PAPPA2: variants seen among roughly 807,000 people sequenced by gnomAD.
PAPPA2 encodes pappalysin 2.
Under a neutral mutation model 176.4 loss-of-function variants are expected in PAPPA2, and 86 were observed. The observed-to-expected ratio is 0.49, with a 90% confidence interval of 0.41 to 0.58. The LOEUF (loss-of-function observed/expected upper bound fraction) is 0.58. Among genes scored for constraint, PAPPA2 ranks in the 20% least tolerant of loss-of-function variants. The probability of loss-of-function intolerance (pLI) is 0.00; values close to 1 mark genes in which losing one functional copy is unlikely to be tolerated. For synonymous variants in PAPPA2, 809 were observed against 852.2 expected (o/e 0.95, Z 0.88); for missense variants, 2,073 against 2,256.9 (o/e 0.92, Z 1.65).
At chr1:176,649,333 A>G (rs987767672) in intron 3 of PAPPA2, among the ~76,000 whole-genome samples, 4 of 150,406 alleles carry the variant, frequency 2.7e-5, no homozygotes, top group Admixed American at 2.6e-4. Flanking sequence ...TCTTTTTCTT[A>G]GCTATTCTAG....
chr1:176,542,482 C>A (rs564744061), intron 1 of PAPPA2, among the ~76,000 whole-genome samples: 1 of 152,328 alleles, frequency 6.6e-6, no homozygotes, highest in South Asian at 2.1e-4. Flanking sequence ...TTGTTACAGG[C>A]TGTCAGACAG....
Position 176,796,698 on chromosome 1 carries a change from CTCTT to C in PAPPA2, c.5130+3039_5130+3042del, listed in dbSNP as rs1293278548. ...CTCTTTTTCTTTTTCTTTTCTTTCT[CTCTT>C]TCTTTCTTTTTCTTTCTTTCTTCTT... On this transcript the variant is annotated intron_variant, in intron 20 of 22. Transcript: ENST00000367662. Among the ~76,000 whole-genome samples the C allele has an allele frequency of 1.4e-3, 182 of 132,110 alleles. 2 individuals are homozygous for C. The highest frequency in any genetic ancestry group is 4.8e-3 in the African/African-American group (172 of 35,650). 86.7% of individuals were successfully genotyped at this position (132,110 alleles called of 152,430 possible).
intron 21 of PAPPA2, among the ~76,000 whole-genome samples, chr1:176,837,033 A>G (rs1212279389): frequency 1.3e-5 from 2 of 152,184 alleles, no homozygotes; most frequent in Admixed American, 6.5e-5. Context: ...AATGGGAAAC[A>G]TCGCCAGATT....
chr1:176,776,292 T>C (rs1664454539), intron 17 of PAPPA2, among the ~76,000 whole-genome samples: 1 of 152,186 alleles, frequency 6.6e-6, no homozygotes, highest in African/African-American at 2.4e-5. Context: ...TCTAAACGAT[T>C]CAAACCTTCC....
At position 176,809,058 on chromosome 1, in the gene PAPPA2, G is replaced by A. The variant is rs1438208846; in HGVS notation, c.5202+8926G>A. ...AGGTTATAAAGGGAGGTGTTGAAAA[G>A]GCATATTAGTCTTTGGAGAGTTTTA... On this transcript the variant is annotated intron_variant, in intron 21 of 22. Transcript: ENST00000367662. Among the ~76,000 whole-genome samples the A allele has an allele frequency of 4.6e-5, 7 of 152,138 alleles. No individual in the cohort carries two copies. In the East Asian group the frequency reaches 1.3e-3, roughly 29 times the overall value.
At chr1:176,634,080 A>T (rs1656515008) in intron 3 of PAPPA2, among the ~76,000 whole-genome samples, 2 of 152,230 alleles carry the variant, frequency 1.3e-5, no homozygotes, top group African/African-American at 4.8e-5. Context: ...TGACCCAGCC[A>T]TCCCATTACT....
intron 1 of PAPPA2, among the ~76,000 whole-genome samples, chr1:176,524,903 G>C (rs1649405177): frequency 6.6e-6 from 1 of 152,146 alleles, no homozygotes; most frequent in Admixed American, 6.5e-5. Flanking sequence ...TTAGTCGGGC[G>C]TGATGGCGGG....
chr1:176,603,392 A>T (rs563770365), intron 3 of PAPPA2, among the ~76,000 whole-genome samples: 27 of 152,296 alleles, frequency 1.8e-4, no homozygotes, highest in African/African-American at 5.3e-4. Flanking sequence ...TCCCCTAACC[A>T]GGCCCTCTTT....
intron 1 of PAPPA2, among the ~76,000 whole-genome samples, chr1:176,547,249 A>G (rs951020371): frequency 6.6e-6 from 1 of 152,038 alleles, no homozygotes; most frequent in African/African-American, 2.4e-5. Flanking sequence ...CTGTCTCCTA[A>G]GCCTTCAATA....
intron 4 of PAPPA2, among the ~76,000 whole-genome samples, chr1:176,685,847 C>T (rs1166040017): frequency 6.6e-6 from 1 of 152,198 alleles, no homozygotes; most frequent in East Asian, 1.9e-4. Context: ...ATGCCTCACT[C>T]CAGCTTTGGC....
chr1:176,487,260 A>G (rs971479095), intron 1 of PAPPA2, among the ~76,000 whole-genome samples: 4 of 152,198 alleles, frequency 2.6e-5, no homozygotes, highest in Non-Finnish European at 5.9e-5. Context: ...CCCTAGAGAC[A>G]TCATTCCATG....
At chr1:176,492,032 A>T (rs965318902) in intron 1 of PAPPA2, among the ~76,000 whole-genome samples, 1 of 152,226 alleles carries the variant, frequency 6.6e-6, no homozygotes, top group South Asian at 2.1e-4. Flanking sequence ...CCTGAACATC[A>T]AGCATGGAAT....
At chr1:176,761,308 G>T (rs1663689430) in intron 14 of PAPPA2, among the ~76,000 whole-genome samples, 2 of 152,038 alleles carry the variant, frequency 1.3e-5, no homozygotes, top group African/African-American at 4.8e-5. Context: ...TCAATCCTTT[G>T]GCTTAAAACA....
At chr1:176,818,791 A>T (rs1259752282) in intron 21 of PAPPA2, among the ~76,000 whole-genome samples, 1 of 152,174 alleles carries the variant, frequency 6.6e-6, no homozygotes, top group African/African-American at 2.4e-5. Flanking sequence ...TCCCCACTTC[A>T]TCCAGAATAA....
chr1:176,702,779 G>A, intron 9 of PAPPA2, 44 bp downstream of exon 9: 1 of 791,870 alleles, frequency 1.3e-6, no homozygotes, highest in South Asian at 3.3e-5. Flanking sequence ...GTGTGTGTGA[G>A]AGAGAGAGAG....
chr1:176,810,336 G>C (rs1666094906), intron 21 of PAPPA2, among the ~76,000 whole-genome samples: 1 of 152,026 alleles, frequency 6.6e-6, no homozygotes, highest in Non-Finnish European at 1.5e-5. Flanking sequence ...TGGTTTAGGG[G>C]GTCCCAACCT....
chr1:176,716,306 C>T (rs893508413), intron 12 of PAPPA2, among the ~76,000 whole-genome samples: 3 of 148,468 alleles, frequency 2.0e-5, no homozygotes, highest in Non-Finnish European at 3.0e-5. Context: ...AGTGCAATGG[C>T]GCGATCTTGG....
At chr1:176,801,712 AGATCAAAGG>A (rs1665692155) in intron 21 of PAPPA2, among the ~76,000 whole-genome samples, 1 of 152,104 alleles carries the variant, frequency 6.6e-6, no homozygotes, top group South Asian at 2.1e-4. Flanking sequence ...AGCTGGGAAC[AGATCAAAGG>A]GATCCTGAGA....
At chr1:176,743,644 C>T (rs1662781781) in intron 14 of PAPPA2, among the ~76,000 whole-genome samples, 1 of 152,088 alleles carries the variant, frequency 6.6e-6, no homozygotes, top group Non-Finnish European at 1.5e-5. Flanking sequence ...TGCAGTGTGT[C>T]TAAAATATAA....
Sources: gnomAD v4.1 joint callset for allele counts (sites outside exome capture counted in the v4.1 genomes callset) on GRCh38, gnomAD v4.1.1 for gene constraint, MANE v1.5 for transcripts, NCBI Gene and HGNC (gene_info 2026-07-23, HGNC 2026-07-21) for gene names.